The following TMEM178B variants were observed in gnomAD, a reference collection of about 807,000 sequenced individuals.
TMEM178B encodes the protein transmembrane protein 178B.
A neutral mutation model predicts 31.0 loss-of-function variants in TMEM178B; 5 were observed. The ratio of observed to expected loss-of-function variants is 0.16; its 90% confidence interval spans 0.08 to 0.34. TMEM178B has a LOEUF of 0.34. Ranked by LOEUF, TMEM178B falls within the 10% of genes least tolerant of loss-of-function variation. TMEM178B has a pLI of 1.00. For missense variants in TMEM178B, 275 were observed against 400.3 expected, an observed-to-expected ratio of 0.69 and a Z score of 2.67; for synonymous variants, 164 against 164.0, an observed-to-expected ratio of 1.00 and a Z score of 0.00.
chr7:141,235,376 C>T (rs988332265), intron 2 of TMEM178B, among the ~76,000 whole-genome samples: 9 of 152,186 alleles, frequency 5.9e-5, no homozygotes, highest in African/African-American at 2.2e-4. Flanking sequence ...TGAACTTTAG[C>T]TTCCAGTAAA....
chr7:141,096,872 G>T (rs1237568988), intron 1 of TMEM178B, among the ~76,000 whole-genome samples: 1 of 152,044 alleles, frequency 6.6e-6, no homozygotes, highest in African/African-American at 2.4e-5. Flanking sequence ...AGGATCACTC[G>T]AGCCCAGGAG....
chr7:141,357,954 C>G (rs2116541546), intron 2 of TMEM178B, among the ~76,000 whole-genome samples: 1 of 152,240 alleles, frequency 6.6e-6, no homozygotes, highest in East Asian at 1.9e-4. Flanking sequence ...TACAGAGTCC[C>G]AAGATTTTTG....
chr7:141,355,707 C>G (rs542540535), intron 2 of TMEM178B, among the ~76,000 whole-genome samples: 1 of 152,244 alleles, frequency 6.6e-6, no homozygotes, highest in South Asian at 2.1e-4. Context: ...ATCACCTGTG[C>G]TTTTTATTCA....
At chr7:141,231,837 G>C (rs949390956) in intron 2 of TMEM178B, among the ~76,000 whole-genome samples, 1 of 152,150 alleles carries the variant, frequency 6.6e-6, no homozygotes, top group Non-Finnish European at 1.5e-5. Flanking sequence ...ACATGTGCAC[G>C]ATGTGCAGGT....
intron 2 of TMEM178B, among the ~76,000 whole-genome samples, chr7:141,235,217 T>A (rs1797509583): frequency 6.6e-6 from 1 of 152,236 alleles, no homozygotes; most frequent in African/African-American, 2.4e-5. Context: ...AAATGAAGCC[T>A]TCTGATTTAT....
At chr7:141,502,775 A>AAAAG in the TMEM178B span, among the ~76,000 whole-genome samples, 1 of 152,272 alleles carries the variant, frequency 6.6e-6, no homozygotes, top group African/African-American at 2.4e-5. Context: ...AGTCTAAAAA[A>AAAAG]AAAAAAAGAT....
chr7:141,340,310 C>G (rs1367857436), intron 2 of TMEM178B, among the ~76,000 whole-genome samples: 4 of 152,188 alleles, frequency 2.6e-5, no homozygotes, highest in Non-Finnish European at 4.4e-5. Context: ...GTAAGATAAT[C>G]GGTTTGTGTT....
At chr7:141,310,781 C>T (rs1798895430) in intron 2 of TMEM178B, among the ~76,000 whole-genome samples, 3 of 152,152 alleles carry the variant, frequency 2.0e-5, no homozygotes. Context: ...ACCATTTGAC[C>T]CAGCAATCCA....
chr7:141,347,265 A>C (rs1799636446), intron 2 of TMEM178B, among the ~76,000 whole-genome samples: 1 of 152,160 alleles, frequency 6.6e-6, no homozygotes, highest in African/African-American at 2.4e-5. Flanking sequence ...ACCATAAGGA[A>C]TCTTCTGGAT....
chr7:141,266,463 TG>T (rs1798096348), intron 2 of TMEM178B, among the ~76,000 whole-genome samples: 1 of 152,222 alleles, frequency 6.6e-6, no homozygotes, highest in African/African-American at 2.4e-5. Context: ...CACTCTGAGC[TG>T]TTTGTTCTGG....
chr7:141,470,100 T>C (rs567198335), intron 3 of TMEM178B, among the ~76,000 whole-genome samples: 2 of 152,342 alleles, frequency 1.3e-5, no homozygotes, highest in African/African-American at 4.8e-5. Flanking sequence ...TTGTTATGTA[T>C]AAGAAAGAGA....
chr7:141,444,520 C>G (rs1801717794), intron 3 of TMEM178B, among the ~76,000 whole-genome samples: 1 of 152,196 alleles, frequency 6.6e-6, no homozygotes, highest in Admixed American at 6.5e-5. Flanking sequence ...GTCCAAGGAT[C>G]TACTTCTGTT....
chr7:141,227,554 A>T (rs1024131788), intron 2 of TMEM178B, among the ~76,000 whole-genome samples: 1 of 152,228 alleles, frequency 6.6e-6, no homozygotes, highest in Non-Finnish European at 1.5e-5. Context: ...AATAACTCAC[A>T]GAAGAGCCGT....
At chr7:141,239,429 T>C (rs1298262180) in intron 2 of TMEM178B, among the ~76,000 whole-genome samples, 2 of 152,146 alleles carry the variant, frequency 1.3e-5, no homozygotes. Flanking sequence ...CCTGTTGTTT[T>C]ATGAAGTTGG....
intron 2 of TMEM178B, among the ~76,000 whole-genome samples, chr7:141,229,247 T>C (rs537385308): frequency 1.6e-4 from 24 of 152,092 alleles, no homozygotes; most frequent in Non-Finnish European, 2.2e-4. Context: ...CAGGTCAAGA[T>C]TTTTTAAGAG....
intron 1 of TMEM178B, among the ~76,000 whole-genome samples, chr7:141,091,788 C>T (rs994601580): frequency 6.6e-6 from 1 of 152,160 alleles, no homozygotes; most frequent in Admixed American, 6.5e-5. Flanking sequence ...AGTGCAGCAG[C>T]GTGATCTCGG....
At chr7:141,362,978 G>A (rs141141744) in intron 2 of TMEM178B, among the ~76,000 whole-genome samples, 5 of 152,358 alleles carry the variant, frequency 3.3e-5, no homozygotes, top group East Asian at 3.9e-4. Context: ...GTTTGAGCAG[G>A]TATAGCAAAG....
chr7:141,463,034 G>T (rs1802085655), intron 3 of TMEM178B, among the ~76,000 whole-genome samples: 1 of 152,312 alleles, frequency 6.6e-6, no homozygotes, highest in Non-Finnish European at 1.5e-5. Context: ...GAGCTCAGGG[G>T]TCTGCAGGGT....
At chr7:141,432,162 T>TTTTTTTTA (rs1554487351) in intron 2 of TMEM178B, among the ~76,000 whole-genome samples, 1 of 128,184 alleles carries the variant, frequency 7.8e-6, no homozygotes, top group Non-Finnish European at 1.7e-5. Flanking sequence ...TTTTTTTTTT[T>TTTTTTTTA]TTTTTTTTTT....
Sources: gnomAD v4.1 joint callset for allele counts (sites outside exome capture counted in the v4.1 genomes callset) on GRCh38, gnomAD v4.1.1 for gene constraint, MANE v1.5 for transcripts, NCBI Gene and HGNC (gene_info 2026-07-23, HGNC 2026-07-21) for gene names.